Variants in AGBL4 observed in about 807,000 individuals in gnomAD.
AGBL4 encodes cytosolic carboxypeptidase 6.
A neutral mutation model predicts 66.4 loss-of-function variants in AGBL4; 58 were observed. The ratio of observed to expected loss-of-function variants is 0.87; its 90% CI spans 0.71 to 1.09. The LOEUF is 1.09. Among genes scored for constraint, AGBL4 ranks in the 50% least tolerant of loss-of-function variants. AGBL4 has a pLI of 0.00. For missense variants in AGBL4, 579 were observed against 631.0 expected (o/e 0.92, Z 0.88); for synonymous variants, 234 against 222.9 (o/e 1.05, Z -0.44).
chr1:50,023,818 G>C lies in AGBL4; in HGVS notation c.-22C>G. On this transcript the variant is annotated 5_prime_UTR_variant, in exon 1 of 14. Coordinates refer to ENST00000371839, the MANE Select transcript of AGBL4 (RefSeq NM_032785.4). ...CCATTTTTGTTGTCCCTCAGTCTCC[G>C]AGCTCACGCGAAGACCGCGGGGCAG... The C allele has an allele frequency of 6.5e-7, 1 of 1,548,110 alleles. No individual in the cohort carries two copies. Among genetic ancestry groups the C allele is most frequent in the Non-Finnish European group, 8.7e-7 (1 of 1,145,498 alleles).
chr1:49,861,703 A>G (rs1332417527), intron 1 of AGBL4, among the ~76,000 whole-genome samples: 1 of 152,180 alleles, frequency 6.6e-6, no homozygotes, highest in African/African-American at 2.4e-5. Context: ...GAGACTCTGT[A>G]TATTTATTAG....
intron 13 of AGBL4, 34 bp downstream of exon 13, chr1:48,534,856 T>A: frequency 6.5e-7 from 1 of 1,548,868 alleles, no homozygotes; most frequent in African/African-American, 1.4e-5. Context: ...GGTATGTTAC[T>A]TACGGGCAAT....
At chr1:49,295,904 T>TG (rs1162520293) in intron 3 of AGBL4, among the ~76,000 whole-genome samples, 1 of 152,164 alleles carries the variant, frequency 6.6e-6, no homozygotes, top group Non-Finnish European at 1.5e-5. Context: ...CATAGCAACT[T>TG]GGAGTCATAG....
intron 3 of AGBL4, among the ~76,000 whole-genome samples, chr1:49,322,767 C>T (rs1172979933): frequency 1.3e-5 from 2 of 152,118 alleles, no homozygotes; most frequent in Non-Finnish European, 2.9e-5. Flanking sequence ...GACTTCTGGC[C>T]TCCAGAACTA....
intron 2 of AGBL4, among the ~76,000 whole-genome samples, chr1:49,726,845 AATATGGC>A (rs1649069450): frequency 6.6e-6 from 1 of 152,144 alleles, no homozygotes; most frequent in Non-Finnish European, 1.5e-5. Context: ...ATGGAGGAGG[AATATGGC>A]CACAGAAAGC....
At chr1:49,438,677 T>A (rs993204503) in intron 3 of AGBL4, among the ~76,000 whole-genome samples, 1 of 152,098 alleles carries the variant, frequency 6.6e-6, no homozygotes, top group Non-Finnish European at 1.5e-5. Context: ...AGAAGAGAGA[T>A]GGAGATTAGC....
chr1:49,706,600 C>A (rs1445933569), intron 2 of AGBL4, among the ~76,000 whole-genome samples: 2 of 151,792 alleles, frequency 1.3e-5, no homozygotes, highest in Admixed American at 6.6e-5. Flanking sequence ...TTTTGAATTT[C>A]TTTCCTCTTG....
rs1289250625 is a variant in AGBL4 at position 49,985,427 on chromosome 1, G to A, written c.34+38336C>T. Among the ~76,000 whole-genome samples, 4 of 152,144 alleles carry A rather than the reference G, an allele frequency of 2.6e-5. No homozygotes were observed. The South Asian group carries it at 6.2e-4, about 24-fold the overall frequency. ...CTTTAGAGAGTGTATTTTCTCTATA[G>A]TGATGGGTGTAGACGATGGATGGAA... On this transcript the variant is annotated intron_variant, in intron 1 of 13. Coordinates refer to ENST00000371839, the MANE Select transcript of AGBL4 (RefSeq NM_032785.4).
chr1:49,382,016 A>G (rs1644626326), intron 3 of AGBL4, among the ~76,000 whole-genome samples: 1 of 152,056 alleles, frequency 6.6e-6, no homozygotes, highest in African/African-American at 2.4e-5. Context: ...ATAAAAATAA[A>G]AAAAAATACA....
intron 4 of AGBL4, among the ~76,000 whole-genome samples, chr1:49,219,887 C>T (rs1472196905): frequency 1.3e-5 from 2 of 152,162 alleles, no homozygotes; most frequent in Admixed American, 6.6e-5. Context: ...AAATCCTTTG[C>T]AACCATTTAT....
chr1:49,806,045 C>T (rs567981141), intron 2 of AGBL4, among the ~76,000 whole-genome samples: 1 of 152,090 alleles, frequency 6.6e-6, no homozygotes, highest in Non-Finnish European at 1.5e-5. Flanking sequence ...GGCTTTAAAA[C>T]TGTAATGGGT....
At chr1:49,548,209 C>A (rs1652658943) in intron 3 of AGBL4, among the ~76,000 whole-genome samples, 1 of 152,134 alleles carries the variant, frequency 6.6e-6, no homozygotes, top group Non-Finnish European at 1.5e-5. Context: ...CTGGAAGAGT[C>A]TTTAGGGTTT....
intron 6 of AGBL4, among the ~76,000 whole-genome samples, chr1:48,685,970 T>G (rs1646524832): frequency 6.6e-6 from 1 of 152,214 alleles, no homozygotes; most frequent in African/African-American, 2.4e-5. Flanking sequence ...TGAGTTAGGC[T>G]TGTTGTTGCC....
intron 1 of AGBL4, among the ~76,000 whole-genome samples, chr1:49,930,384 A>AT (rs1282391942): frequency 6.6e-6 from 1 of 152,106 alleles, no homozygotes; most frequent in Admixed American, 6.5e-5. Flanking sequence ...AGACATAAGG[A>AT]TAAAAATAAC....
intron 3 of AGBL4, among the ~76,000 whole-genome samples, chr1:49,592,678 C>A (rs7546901): frequency 0.053 from 8,108 of 152,164 alleles, 245 homozygotes; most frequent in African/African-American, 0.071. Flanking sequence ...CAAATCAAAA[C>A]CACAATGAGA....
At chr1:49,389,650 C>A (rs1419002682) in intron 3 of AGBL4, among the ~76,000 whole-genome samples, 1 of 152,082 alleles carries the variant, frequency 6.6e-6, no homozygotes, top group East Asian at 1.9e-4. Flanking sequence ...AACATGGATT[C>A]ATTTATAAAT....
intron 3 of AGBL4, among the ~76,000 whole-genome samples, chr1:49,573,728 C>G (rs1283907085): frequency 6.6e-6 from 1 of 152,150 alleles, no homozygotes; most frequent in African/African-American, 2.4e-5. Context: ...TGGCCTGCAA[C>G]AAAAGGTGCA....
chr1:48,983,039 T>C (rs1202371877), intron 5 of AGBL4, among the ~76,000 whole-genome samples: 1 of 152,216 alleles, frequency 6.6e-6, no homozygotes, highest in African/African-American at 2.4e-5. Flanking sequence ...GTGAGGTTTT[T>C]TAAAATTTTG....
At chr1:49,265,234 C>T (rs79089245) in intron 3 of AGBL4, among the ~76,000 whole-genome samples, 1 of 152,112 alleles carries the variant, frequency 6.6e-6, no homozygotes, top group Non-Finnish European at 1.5e-5. Flanking sequence ...TGGCACTTAA[C>T]CTCCTCTGAT....
Sources: gnomAD v4.1 joint callset for allele counts (sites outside exome capture counted in the v4.1 genomes callset) on GRCh38, gnomAD v4.1.1 for gene constraint, MANE v1.5 for transcripts, NCBI Gene and HGNC (gene_info 2026-07-23, HGNC 2026-07-21) for gene names.